APOOL: variants seen among roughly 807,000 people sequenced by gnomAD.
APOOL encodes MICOS complex subunit MIC27.
A neutral mutation model predicts 23.1 loss-of-function variants in APOOL; 12 were observed. The observed-to-expected ratio is 0.52, with a 90% CI of 0.33 to 0.84. The LOEUF is 0.84. Ranked by LOEUF, APOOL falls within the 40% of genes least tolerant of loss-of-function variation. The probability of loss-of-function intolerance (pLI) is 0.02; values close to 1 mark genes in which losing one functional copy is unlikely to be tolerated. For synonymous variants in APOOL, 77 were observed against 69.9 expected, an observed-to-expected ratio of 1.10 and a Z score of -0.51; for missense variants, 212 against 199.6, an observed-to-expected ratio of 1.06 and a Z score of -0.37.
At chrX:85,053,182 T>A (rs1260395698) in intron 3 of APOOL, among the ~76,000 whole-genome samples, 1 of 111,536 alleles carries the variant, frequency 9.0e-6, no homozygotes, top group East Asian at 2.8e-4. Context: ...GTGGTAAAAA[T>A]GAATTCCTTA....
chrX:85,012,115 A>G (rs1055657110), intron 1 of APOOL, among the ~76,000 whole-genome samples: 2 of 111,261 alleles, frequency 1.8e-5, no homozygotes, highest in African/African-American at 6.5e-5. Flanking sequence ...CTGTCGTAAA[A>G]GGGATTGAAT....
At chrX:85,072,104 G>A (rs1368389588) in intron 6 of APOOL, among the ~76,000 whole-genome samples, 2 of 110,735 alleles carry the variant, frequency 1.8e-5, no homozygotes, top group East Asian at 2.8e-4. Context: ...GAGAGACTCC[G>A]TCTCAAAAAA....
chrX:85,053,203 G>T (rs914991539), intron 3 of APOOL, among the ~76,000 whole-genome samples: 2 of 111,304 alleles, frequency 1.8e-5, no homozygotes, highest in Non-Finnish European at 3.8e-5. Context: ...GCAGAGCTAA[G>T]AAAAATTTTT....
rs1355063136 is a variant in APOOL at position 85,093,156 on chromosome X, A to G, written c.*5478A>G. 1 of 1,127,171 alleles carries G rather than the reference A, an allele frequency of 8.9e-7. No individual in the cohort carries two copies. The highest frequency in any genetic ancestry group is 1.2e-6 in the Non-Finnish European group (1 of 839,266). The allele number at this position is 1,127,171 out of a possible 1,213,427, so 92.9% of individuals were successfully genotyped here. A position where few individuals can be genotyped will look rare whatever the true frequency, so the allele number is the denominator to read the frequency against. On this transcript the variant is annotated 3_prime_UTR_variant, in exon 9 of 9. Coordinates refer to ENST00000373173, the MANE Select transcript of APOOL (RefSeq NM_198450.6). ...ATTTATTAAGAAAAGGTTAATGTATAGAATATCAATACTAATTGTAATACA... is the reference window on the plus strand; with the variant it reads ...ATTTATTAAGAAAAGGTTAATGTATGGAATATCAATACTAATTGTAATACA...
At chrX:85,037,137 A>G (rs1922242948) in intron 1 of APOOL, among the ~76,000 whole-genome samples, 1 of 111,540 alleles carries the variant, frequency 9.0e-6, no homozygotes, top group Non-Finnish European at 1.9e-5. Context: ...GGTTGGATCC[A>G]TATTTTTGCA....
intron 1 of APOOL, among the ~76,000 whole-genome samples, chrX:85,022,572 A>G (rs1921703850): frequency 9.0e-6 from 1 of 111,400 alleles, no homozygotes; most frequent in Non-Finnish European, 1.9e-5. Flanking sequence ...TTAGTTATAC[A>G]AGGAATATAC....
At chrX:85,006,881 G>T (rs1022850622) in intron 1 of APOOL, among the ~76,000 whole-genome samples, 7 of 111,846 alleles carry the variant, frequency 6.3e-5, no homozygotes, top group African/African-American at 2.3e-4. Flanking sequence ...CATGGTATGA[G>T]TCCTGAACCT....
At chrX:85,033,772 C>T (rs1922121309) in intron 1 of APOOL, among the ~76,000 whole-genome samples, 1 of 111,679 alleles carries the variant, frequency 9.0e-6, no homozygotes, top group Non-Finnish European at 1.9e-5. Flanking sequence ...AGGTGTGGCA[C>T]AGGTACCATA....
rs758892982 is a variant in APOOL at position 85,021,016 on chromosome X, G to C, written c.15+17089G>C. Among the ~76,000 whole-genome samples, 64 of 111,967 alleles carry C rather than the reference G, an allele frequency of 5.7e-4. 1 individual carries two copies. Among genetic ancestry groups the C allele is most frequent in the Non-Finnish European group, 1.5e-4 (8 of 53,102 alleles). On this transcript the variant is annotated intron_variant, in intron 1 of 8. Transcript: ENST00000373173. ...TAGGATCAGGATTGTCCCCAGCAATGGGCCAGTTCTCATGGCCATAGGCTT... is the reference window on the plus strand; with the variant it reads ...TAGGATCAGGATTGTCCCCAGCAATCGGCCAGTTCTCATGGCCATAGGCTT...
intron 8 of APOOL, among the ~76,000 whole-genome samples, chrX:85,082,963 G>T (rs1364346454): frequency 9.0e-6 from 1 of 111,509 alleles, no homozygotes; most frequent in Non-Finnish European, 1.9e-5. Flanking sequence ...AGAGAAACTA[G>T]TCAGTCTGTC....
At chrX:85,014,959 T>G (rs1411696035) in intron 1 of APOOL, among the ~76,000 whole-genome samples, 2 of 110,749 alleles carry the variant, frequency 1.8e-5, no homozygotes, top group Non-Finnish European at 3.8e-5. Context: ...ACACCAATTA[T>G]TATTAGATTT....
intron 1 of APOOL, among the ~76,000 whole-genome samples, chrX:85,043,219 C>T (rs2034213431): frequency 9.0e-6 from 1 of 111,149 alleles, no homozygotes. Context: ...TTTGACTTGA[C>T]GAGTTATTAT....
rs1428280593 is a variant in APOOL, at chrX:85,089,131, G to A, written c.*1453G>A. ...TACCTGCTTAATTTTTTTTGAGATG[G>A]GGTCTTGCTCTGTTGCCCAGGCTGG... On this transcript the variant is annotated 3_prime_UTR_variant, in exon 9 of 9. Coordinates refer to ENST00000373173, the MANE Select transcript of APOOL (RefSeq NM_198450.6). 1 of 110,644 alleles carries A rather than the reference G, an allele frequency of 9.0e-6. No homozygotes were observed. The highest frequency in any genetic ancestry group is 9.6e-5 in the Admixed American group (1 of 10,390). 9.1% of individuals were successfully genotyped at this position (110,644 alleles called of 1,213,427 possible). A position where few individuals can be genotyped will look rare whatever the true frequency, so the allele number is the denominator to read the frequency against.
chrX:85,082,874 G>T (rs1159549089), intron 8 of APOOL, among the ~76,000 whole-genome samples: 6 of 111,666 alleles, frequency 5.4e-5, no homozygotes, highest in Non-Finnish European at 1.1e-4. Context: ...ATTTTTTGTG[G>T]ATTCGGAGAC....
intron 1 of APOOL, among the ~76,000 whole-genome samples, chrX:85,012,746 A>G (rs564760584): frequency 8.9e-6 from 1 of 112,000 alleles, no homozygotes. Flanking sequence ...TCAGTTAGCT[A>G]GTATTTTGTT....
intron 2 of APOOL, 50 bp downstream of exon 2, chrX:85,046,600 CA>C: frequency 1.0e-6 from 1 of 984,452 alleles, no homozygotes; most frequent in African/African-American, 1.9e-5. Context: ...CAAGATGACA[CA>C]AAAGCTATAT....
intron 1 of APOOL, among the ~76,000 whole-genome samples, chrX:85,024,255 T>C (rs1921766823): frequency 8.9e-6 from 1 of 112,029 alleles, no homozygotes; most frequent in Admixed American, 9.5e-5. Context: ...TTGCCTCATA[T>C]TCAGCCAAGA....
intron 2 of APOOL, 125 bp from the exon 3 acceptor site, chrX:85,051,259 TAAAAG>T: frequency 1.3e-6 from 1 of 753,177 alleles, no homozygotes; most frequent in Admixed American, 3.5e-5. Flanking sequence ...GATGGTTTTT[TAAAAG>T]TATTTTATCA....
At chrX:85,033,964 A>C (rs1319538480) in intron 1 of APOOL, among the ~76,000 whole-genome samples, 1 of 111,496 alleles carries the variant, frequency 9.0e-6, no homozygotes, top group African/African-American at 3.3e-5. Context: ...TAACTTTTAT[A>C]ATCAGAAGTG....
Sources: allele counts gnomAD v4.1 joint callset (sites outside exome capture counted in the v4.1 genomes callset), GRCh38; gene constraint gnomAD v4.1.1; transcripts MANE v1.5; gene names NCBI Gene and HGNC (gene_info 2026-07-23, HGNC 2026-07-21).